BMP8A: variants seen among roughly 807,000 people sequenced by gnomAD.
The protein encoded by BMP8A is bone morphogenetic protein 8a.
In BMP8A, 14 loss-of-function variants were observed where a neutral mutation model predicts 36.8. The ratio of observed to expected loss-of-function variants is 0.38; its 90% confidence interval spans 0.25 to 0.60. The LOEUF is 0.60. BMP8A is among the 20% of genes least tolerant of loss of function. BMP8A has a pLI of 0.63. For synonymous variants in BMP8A, 120 were observed against 237.7 expected (o/e 0.50, Z 4.55); for missense variants, 267 against 551.1 (o/e 0.48, Z 5.16).
At chr1:39,495,299 G>A (rs934126163) in intron 1 of BMP8A, among the ~76,000 whole-genome samples, 1 of 152,220 alleles carries the variant, frequency 6.6e-6, no homozygotes, top group African/African-American at 2.4e-5. Flanking sequence ...CCACCCATGG[G>A]TTCAGGCCTC....
intron 1 of BMP8A, among the ~76,000 whole-genome samples, chr1:39,503,712 A>G (rs1371450978): frequency 1.3e-5 from 2 of 151,776 alleles, no homozygotes; most frequent in African/African-American, 4.8e-5. Context: ...ATGAGGTTTC[A>G]CCATGTTGGC....
Position 39,524,552 on chromosome 1 carries a change from G to C in BMP8A, c.1060-1097G>C, listed in dbSNP as rs990685840. Among the ~76,000 whole-genome samples, 4 of 152,190 alleles carry C rather than the reference G, an allele frequency of 2.6e-5. No individual in the cohort carries two copies. Among genetic ancestry groups the C allele is most frequent in the African/African-American group, 7.2e-5 (3 of 41,446 alleles). ...TAAGACAGGAGCAGGCTGGCCCTAA[G>C]TTCAGGGCCAGCAGGGAGGAGAGGG... On this transcript the variant is annotated intron_variant, in intron 6 of 6. Coordinates refer to ENST00000331593, the MANE Select transcript of BMP8A (RefSeq NM_181809.4). This position sits in a 1 kb window ranked among gnomAD's most constrained non-coding sequence, Gnocchi z 4.0.
intron 1 of BMP8A, among the ~76,000 whole-genome samples, chr1:39,505,595 T>A (rs2124339570): frequency 1.3e-5 from 2 of 152,320 alleles, no homozygotes; most frequent in East Asian, 3.9e-4. Flanking sequence ...TTCTGTGGTA[T>A]TCTTCAAAAT....
rs1438373845 is a variant in BMP8A, at chr1:39,524,426, G to A, written c.1060-1223G>A. Among the ~76,000 whole-genome samples the A allele has an allele frequency of 3.9e-5, 6 of 152,158 alleles. No homozygotes were observed. Among genetic ancestry groups the A allele is most frequent in the South Asian group, 2.1e-4 (1 of 4,826 alleles). On this transcript the variant is annotated intron_variant, in intron 6 of 6. Transcript: ENST00000331593. This position sits in a 1 kb window ranked among gnomAD's most constrained non-coding sequence, Gnocchi z 4.0. ...TCCTGTGAGGAAGAGCAGAGCAGCC[G>A]TGCCGTCAGTGGAGTGAGACTGGGC... is the stretch of plus-strand genomic sequence containing the variant.
chr1:39,522,455 C>T lies in BMP8A; in HGVS notation c.921C>T (p.Tyr307=), dbSNP rs772984973. 25 of 1,613,610 alleles carry T rather than the reference C, an allele frequency of 1.5e-5. No individual in the cohort carries two copies. The highest frequency in any genetic ancestry group is 4.5e-5 in the East Asian group (2 of 44,846). The change falls in exon 5 of 7, where the codon TAC becomes TAT. Residue 307 remains tyrosine (Y), a synonymous_variant. Transcript: ENST00000331593. ...AGGTCTGCCGTCGGCACGAGCTCTACGTCAGCTTCCAGGACCTTGGCTGGC... is the reference window on the plus strand; with the variant it reads ...AGGTCTGCCGTCGGCACGAGCTCTATGTCAGCTTCCAGGACCTTGGCTGGC... The part of the protein sequence containing the change: ...GRQVCRRHEL[Y]VSFQDLGWLD...
chr1:39,524,830 G>GGTC lies in BMP8A; in HGVS notation c.1060-818_1060-816dup, dbSNP rs1645465603. 1 of 152,508 alleles carries GGTC rather than the reference G, an allele frequency of 6.6e-6. No homozygotes were observed. The allele number at this position is 152,508 out of a possible 1,614,324, so 9.4% of individuals were successfully genotyped here. On this transcript the variant is annotated intron_variant, in intron 6 of 6. Coordinates refer to ENST00000331593, the MANE Select transcript of BMP8A (RefSeq NM_181809.4). This position sits in a 1 kb window ranked among gnomAD's most constrained non-coding sequence, Gnocchi z 4.0. ...GCAGGGGATGAGTGAGGGCTGCTGT[G>GGTC]GTCACCTGGCAGGTGATGGCAGCTC...
rs1470611182 is a variant in BMP8A at position 39,528,777 on chromosome 1, C to A, written c.*2979C>A. ...GGAGTGCAGTGGCAGTGTCATGGCT[C>A]ACTGCAGCCTCAACCTGCTGGGCTC... On this transcript the variant is annotated 3_prime_UTR_variant, in exon 7 of 7. Transcript: ENST00000331593. Among the ~76,000 whole-genome samples the A allele has an allele frequency of 6.6e-6, 1 of 151,476 alleles. No homozygotes were observed. Among genetic ancestry groups the A allele is most frequent in the Non-Finnish European group, 1.5e-5 (1 of 67,986 alleles).
In BMP8A at chr1:39,528,826, G is replaced by A. The variant is rs916994409; in HGVS notation, c.*3028G>A. Among the ~76,000 whole-genome samples, 7 of 151,454 alleles carry A rather than the reference G, an allele frequency of 4.6e-5. No homozygotes were observed. Among genetic ancestry groups the A allele is most frequent in the Admixed American group, 6.6e-5 (1 of 15,210 alleles). ...TCAAGCAATCCTCCCACTTCAGCCC[G>A]AGTTGCTGGGATGACAGGCACACGC... is the stretch of plus-strand genomic sequence containing the variant. On this transcript the variant is annotated 3_prime_UTR_variant, in exon 7 of 7. Transcript: ENST00000331593.
chr1:39,507,852 A>G (rs1645314899), intron 1 of BMP8A, among the ~76,000 whole-genome samples: 1 of 152,228 alleles, frequency 6.6e-6, no homozygotes, highest in Admixed American at 6.5e-5. Context: ...AGGCGTGGAC[A>G]CTGAGCCCAG....
intron 3 of BMP8A, among the ~76,000 whole-genome samples, chr1:39,520,814 CT>C (rs113312586): frequency 0.091 from 3,933 of 43,040 alleles, 139 homozygotes; most frequent in Admixed American, 0.16. Context: ...AGTTAATGCC[CT>C]GCTCTTGGGC....
intron 1 of BMP8A, among the ~76,000 whole-genome samples, chr1:39,509,157 C>G (rs1388090448): frequency 6.6e-6 from 1 of 152,200 alleles, no homozygotes; most frequent in East Asian, 1.9e-4. Flanking sequence ...CTGCTGTGCC[C>G]TGGGGCACAA....
At chr1:39,522,849 T>C (rs1209767505) in intron 5 of BMP8A, among the ~76,000 whole-genome samples, 158 bp from the exon 6 acceptor site, 1 of 150,734 alleles carries the variant, frequency 6.6e-6, no homozygotes, top group Non-Finnish European at 1.5e-5. Flanking sequence ...ATGGGGGTTG[T>C]TGGGCCTGAG....
Position 39,528,362 on chromosome 1 carries a change from T to C in BMP8A, c.*2564T>C, listed in dbSNP as rs576072039. On this transcript the variant is annotated 3_prime_UTR_variant, in exon 7 of 7. Coordinates refer to ENST00000331593, the MANE Select transcript of BMP8A (RefSeq NM_181809.4). ...CTATCAAGGTCATCTTCTGGCCTGG[T>C]TGCCTCCCACAGCCCAGGATGCATT... 5.3e-5 allele frequency among the ~76,000 whole-genome samples: 8 copies of C among 152,328 alleles called. No homozygotes were observed. The East Asian group carries it at 1.2e-3, about 22-fold the overall frequency.
At position 39,525,778 on chromosome 1, in the gene BMP8A, A is replaced by C; in HGVS notation, c.1189A>C (p.Lys397Gln). The C allele has an allele frequency of 3.1e-6, 5 of 1,614,150 alleles. No individual in the cohort carries two copies. The highest frequency in any genetic ancestry group is 4.2e-6 in the Non-Finnish European group (5 of 1,180,034). ...GCGCAAGCACCGCAACATGGTGGTC[A>C]AGGCCTGCGGCTGCCACTGAGTCAG... ...ILRKHRNMVV[K>Q]ACGCH The change falls in exon 7 of 7, where the codon AAG becomes CAG. Residue 397 changes from lysine (K) to glutamine (Q), a missense_variant. By Grantham distance (53) the Lys-to-Gln change is moderately conservative. This residue lies in a region of BMP8A where 132 missense variants were observed against 151.3 expected (regional missense o/e 0.87). Transcript: ENST00000331593.
At chr1:39,498,858 G>C (rs1570276529) in intron 1 of BMP8A, among the ~76,000 whole-genome samples, 1 of 152,080 alleles carries the variant, frequency 6.6e-6, no homozygotes, top group Admixed American at 6.5e-5. Context: ...CCACAGCAAC[G>C]GGAATGTCGG....
rs1645163006 is a variant in BMP8A at position 39,492,048 on chromosome 1, C to T, written c.57C>T (p.Gly19=). 6 of 1,097,590 alleles carry T rather than the reference C, an allele frequency of 5.5e-6. No homozygotes were observed. Among genetic ancestry groups the T allele is most frequent in the South Asian group, 4.2e-5 (1 of 23,616 alleles). 68.0% of individuals were successfully genotyped at this position (1,097,590 alleles called of 1,614,324 possible). The change falls in exon 1 of 7, where the codon GGC becomes GGT. Residue 19 remains glycine, a synonymous_variant. Transcript: ENST00000331593. ...TGGGCCTGACGTTGTGCGCGCTGGG[C>T]GGGGGCGGCCCCGGCCTGCGACCCC... ...WLLGLTLCAL[G]GGGPGLRPPP... is the part of the protein sequence containing the mutation.
At chr1:39,506,022 G>C (rs1423034554) in intron 1 of BMP8A, among the ~76,000 whole-genome samples, 1 of 148,682 alleles carries the variant, frequency 6.7e-6, no homozygotes, top group Non-Finnish European at 1.5e-5. Context: ...AAGGTTGAAA[G>C]GGAAGGAAAG....
At chr1:39,525,380 T>C (rs954872946) in intron 6 of BMP8A, among the ~76,000 whole-genome samples, 1 of 152,122 alleles carries the variant, frequency 6.6e-6, no homozygotes, top group African/African-American at 2.4e-5. Flanking sequence ...GGCCTGGGAC[T>C]CGAGGCCCCT....
intron 1 of BMP8A, among the ~76,000 whole-genome samples, chr1:39,497,411 GGGGGCT>G (rs1255913804): frequency 2.0e-5 from 3 of 152,198 alleles, no homozygotes; most frequent in African/African-American, 7.2e-5. Flanking sequence ...CTTCACAAAT[GGGGGCT>G]GATCGATTGT....
Sources: gnomAD v4.1 joint callset for allele counts (sites outside exome capture counted in the v4.1 genomes callset) on GRCh38, gnomAD v4.1.1 for gene constraint, gnomAD v4.1.1 regional missense constraint, Gnocchi (gnomAD v3.1) non-coding constraint, MANE v1.5 for transcripts, NCBI Gene and HGNC (gene_info 2026-07-23, HGNC 2026-07-21) for gene names.